The following CRIM1 variants were observed in gnomAD, a reference collection of about 807,000 sequenced individuals.
CRIM1 encodes the protein cysteine rich transmembrane BMP regulator 1, also known as cysteine-rich motor neuron 1 protein.
In CRIM1, 32 loss-of-function variants were observed where a neutral mutation model predicts 116.4. That is an observed-to-expected ratio of 0.27 (90% CI 0.21 to 0.37). The LOEUF is 0.37. CRIM1 is among the 10% of genes least tolerant of loss of function. The pLI is 1.00. For missense variants in CRIM1, 1,331 were observed against 1,354.8 expected (o/e 0.98, Z 0.28); for synonymous variants, 590 against 509.2 (o/e 1.16, Z -2.13).
At chr2:36,452,551 T>C (rs141335906) in intron 4 of CRIM1, among the ~76,000 whole-genome samples, 65 of 152,316 alleles carry the variant, frequency 4.3e-4, no homozygotes, top group African/African-American at 1.4e-3. Flanking sequence ...TATCCCCAGA[T>C]TGAAGAAAAT....
chr2:36,356,772 C>T lies in CRIM1; in HGVS notation c.331+149C>T. On this transcript the variant is annotated intron_variant, in intron 1 of 16. Transcript: ENST00000280527. This position sits in a 1 kb window ranked among gnomAD's most constrained non-coding sequence, Gnocchi z 4.3. ...GCCGCCGCCCCCAGGAGAGTGCCCC[C>T]GCGGCCCTGCGTTCCCTCTCCTTGT... 3 of 734,544 alleles carry T rather than the reference C, an allele frequency of 4.1e-6. No homozygotes were observed. Among genetic ancestry groups the T allele is most frequent in the East Asian group, 2.7e-5 (1 of 36,716 alleles). The allele number at this position is 734,544 out of a possible 1,614,324, so 45.5% of individuals were successfully genotyped here. A position where few individuals can be genotyped will look rare whatever the true frequency, so the allele number is the denominator to read the frequency against.
intron 4 of CRIM1, among the ~76,000 whole-genome samples, chr2:36,457,593 G>A (rs1677241103): frequency 6.6e-6 from 1 of 151,836 alleles, no homozygotes; most frequent in Non-Finnish European, 1.5e-5. Context: ...GTGAAGGAGG[G>A]TTAGTTATTC....
intron 2 of CRIM1, among the ~76,000 whole-genome samples, chr2:36,420,995 T>C (rs1160682291): frequency 6.6e-6 from 1 of 152,186 alleles, no homozygotes; most frequent in Admixed American, 6.5e-5. Flanking sequence ...GTGTTTAACA[T>C]TGGCAGCTGA....
chr2:36,531,005 ATGTG>A lies in CRIM1; in HGVS notation c.2429-6344_2429-6341del, dbSNP rs1666077982. ...TGACACTCGGGGGGCCTTGATCTCA[ATGTG>A]TGGGAAGAACAAATGCCCCCGTTAT... On this transcript the variant is annotated intron_variant, in intron 13 of 16. Coordinates refer to ENST00000280527, the MANE Select transcript of CRIM1 (RefSeq NM_016441.3). Among the ~76,000 whole-genome samples, 6 of 152,144 alleles carry A rather than the reference ATGTG, an allele frequency of 3.9e-5. No individual in the cohort carries two copies. The South Asian group carries it at 1.2e-3, about 32-fold the overall frequency.
intron 8 of CRIM1, among the ~76,000 whole-genome samples, chr2:36,508,440 G>A (rs1016137601): frequency 6.6e-6 from 1 of 152,180 alleles, no homozygotes; most frequent in African/African-American, 2.4e-5. Context: ...TGAGGGGACA[G>A]ATGCGTTCTG....
At chr2:36,502,329 G>A (rs1171888016) in intron 8 of CRIM1, among the ~76,000 whole-genome samples, 1 of 152,192 alleles carries the variant, frequency 6.6e-6, no homozygotes, top group Non-Finnish European at 1.5e-5. Flanking sequence ...TAAGGAGGAT[G>A]CATATTTACC....
intron 4 of CRIM1, among the ~76,000 whole-genome samples, chr2:36,461,202 A>G (rs931774075): frequency 2.7e-4 from 41 of 151,958 alleles, no homozygotes; most frequent in Admixed American, 2.7e-3. Context: ...GGGCAGGGGG[A>G]GATTGGACTA....
rs530444296 is a variant in CRIM1 at position 36,385,056 on chromosome 2, A to T, written c.332-11558A>T. Among the ~76,000 whole-genome samples, 8 of 151,968 alleles carry T rather than the reference A, an allele frequency of 5.3e-5. 1 individual carries two copies. The South Asian group carries it at 1.7e-3, about 32-fold the overall frequency. On this transcript the variant is annotated intron_variant, in intron 1 of 16. Coordinates refer to ENST00000280527, the MANE Select transcript of CRIM1 (RefSeq NM_016441.3). ...TTCTTGGAGTGTGTAGTAGGAATAA[A>T]TAAGACCAAACACAATCTTGCTTCA... is the stretch of plus-strand genomic sequence containing the variant.
rs184244708 is a variant in CRIM1 at position 36,479,798 on chromosome 2, G to C, written c.1372+104G>C. The C allele has an allele frequency of 1.0e-4, 119 of 1,134,000 alleles. 1 individual carries two copies. The African/African-American group carries it at 1.5e-3, about 15-fold the overall frequency. The allele number at this position is 1,134,000 out of a possible 1,614,324, so 70.2% of individuals were successfully genotyped here. A position where few individuals can be genotyped will look rare whatever the true frequency, so the allele number is the denominator to read the frequency against. ...GTTTATTTCCTTGGGCATAATGTCT[G>C]CTTCACGCTGTTACCAGTTGCCAAC... On this transcript the variant is annotated intron_variant, in intron 7 of 16. Coordinates refer to ENST00000280527, the MANE Select transcript of CRIM1 (RefSeq NM_016441.3).
intron 11 of CRIM1, among the ~76,000 whole-genome samples, chr2:36,514,191 T>G (rs1463481970): frequency 6.6e-6 from 1 of 152,222 alleles, no homozygotes; most frequent in Non-Finnish European, 1.5e-5. Context: ...AGGGAGAAAC[T>G]TTTTGAAGTC....
In CRIM1 at chr2:36,514,826, C is replaced by T. The variant is rs544422329; in HGVS notation, c.1990+1061C>T. ...AGCAGGGGAGAGGGACACTTGAAGTCCCTTTCAGCTCTGAGATTCTGCACA... is the reference window on the plus strand; with the variant it reads ...AGCAGGGGAGAGGGACACTTGAAGTTCCTTTCAGCTCTGAGATTCTGCACA... On this transcript the variant is annotated intron_variant, in intron 11 of 16. Transcript: ENST00000280527. Among the ~76,000 whole-genome samples, 147 of 152,264 alleles carry T rather than the reference C, an allele frequency of 9.7e-4. 1 individual carries two copies. The highest frequency in any genetic ancestry group is 1.7e-3 in the Non-Finnish European group (119 of 68,024).
intron 5 of CRIM1, among the ~76,000 whole-genome samples, chr2:36,472,173 C>T (rs1175763387): frequency 6.6e-6 from 1 of 152,178 alleles, no homozygotes; most frequent in African/African-American, 2.4e-5. Flanking sequence ...ACAAATTACA[C>T]AGTAAATTAT....
intron 4 of CRIM1, among the ~76,000 whole-genome samples, chr2:36,460,899 A>T (rs1273961598): frequency 6.6e-6 from 1 of 152,190 alleles, no homozygotes; most frequent in Non-Finnish European, 1.5e-5. Flanking sequence ...CTAGAAAGAC[A>T]ACTGGGCATA....
chr2:36,395,537 T>C (rs1420822631), intron 1 of CRIM1, among the ~76,000 whole-genome samples: 1 of 152,170 alleles, frequency 6.6e-6, no homozygotes, highest in East Asian at 1.9e-4. Flanking sequence ...TAGTCTAATT[T>C]CCTATGAGGA....
intron 1 of CRIM1, among the ~76,000 whole-genome samples, chr2:36,366,943 G>T (rs557454075): frequency 2.6e-5 from 4 of 152,290 alleles, no homozygotes; most frequent in African/African-American, 9.6e-5. Flanking sequence ...GCATAGGCTT[G>T]GACCTTTCTG....
rs537723629 is a variant in CRIM1 at position 36,536,174 on chromosome 2, G to A, written c.2429-1178G>A. On this transcript the variant is annotated intron_variant, in intron 13 of 16. Coordinates refer to ENST00000280527, the MANE Select transcript of CRIM1 (RefSeq NM_016441.3). ...CTCAGAGCACTCGCTGCAAAGCTTCGGGCTGCTCAGAGAAAATGGCTCCTG... is the reference window on the plus strand; with the variant it reads ...CTCAGAGCACTCGCTGCAAAGCTTCAGGCTGCTCAGAGAAAATGGCTCCTG... Among the ~76,000 whole-genome samples the A allele has an allele frequency of 2.1e-4, 32 of 152,266 alleles. 1 individual carries two copies. Among genetic ancestry groups the A allele is most frequent in the Middle Eastern group, 6.8e-3 (2 of 294 alleles).
At chr2:36,411,662 T>TTG (rs58015078) in intron 2 of CRIM1, among the ~76,000 whole-genome samples, 36,136 of 149,976 alleles carry the variant, frequency 0.24, 4,190 homozygotes, top group South Asian at 0.37. Context: ...ATCTTATTCT[T>TTG]TGTGTGTGTG....
chr2:36,371,337 A>T (rs1046139651), intron 1 of CRIM1, among the ~76,000 whole-genome samples: 1 of 151,958 alleles, frequency 6.6e-6, no homozygotes, highest in African/African-American at 2.4e-5. Context: ...TAGAGTTCAC[A>T]TTTCTGTCTC....
chr2:36,355,997 G>A lies in CRIM1; in HGVS notation c.-296G>A, dbSNP rs145029810. 3,656 of 151,900 alleles carry A rather than the reference G, an allele frequency of 0.024. 58 individuals carry two copies. The highest frequency in any genetic ancestry group is 0.036 in the Non-Finnish European group (2,444 of 68,106). The allele number at this position is 151,900 out of a possible 1,614,324, so 9.4% of individuals were successfully genotyped here. Reference sequence around the variant, plus strand: ...CGCGCCAGAAGTTTGGGTTGAACCGGAGCTGCCGGGAGGAAACTTTTTTCT... The same window carrying A: ...CGCGCCAGAAGTTTGGGTTGAACCGAAGCTGCCGGGAGGAAACTTTTTTCT... On this transcript the variant is annotated 5_prime_UTR_variant, in exon 1 of 17. Coordinates refer to ENST00000280527, the MANE Select transcript of CRIM1 (RefSeq NM_016441.3).
Sources: gnomAD v4.1 joint callset for allele counts (sites outside exome capture counted in the v4.1 genomes callset) on GRCh38, gnomAD v4.1.1 for gene constraint, Gnocchi (gnomAD v3.1) non-coding constraint, MANE v1.5 for transcripts, NCBI Gene and HGNC (gene_info 2026-07-23, HGNC 2026-07-21) for gene names.